Variants in ZRANB3 observed in about 807,000 individuals in gnomAD.
The protein encoded by ZRANB3 is zinc finger RANBP2-type containing 3.
Under a neutral mutation model 133.8 loss-of-function variants are expected in ZRANB3, and 125 were observed. The ratio of observed to expected loss-of-function variants is 0.93; its 90% CI spans 0.81 to 1.08. ZRANB3 has a LOEUF of 1.08. Among genes scored for constraint, ZRANB3 ranks in the 50% least tolerant of loss-of-function variants. The pLI is 0.00. For missense variants in ZRANB3, 1,229 were observed against 1,275.5 expected (o/e 0.96, Z 0.56); for synonymous variants, 387 against 432.7 (o/e 0.89, Z 1.31).
At chr2:135,516,301 C>T (rs548826368) in intron 1 of ZRANB3, among the ~76,000 whole-genome samples, 1 of 152,096 alleles carries the variant, frequency 6.6e-6, no homozygotes, top group Admixed American at 6.5e-5. Context: ...GAATCTGATC[C>T]TGTCATTATG....
At chr2:135,364,538 A>G (rs1685838049) in intron 3 of ZRANB3, among the ~76,000 whole-genome samples, 1 of 152,120 alleles carries the variant, frequency 6.6e-6, no homozygotes, top group Non-Finnish European at 1.5e-5. Context: ...ACTTGAGGTC[A>G]AGAGTTTAAG....
intron 2 of ZRANB3, among the ~76,000 whole-genome samples, chr2:135,482,935 A>G (rs1446642655): frequency 1.3e-5 from 2 of 151,800 alleles, no homozygotes; most frequent in South Asian, 2.1e-4. Context: ...ATTTGCATAT[A>G]TTGAACCAGC....
chr2:135,246,558 T>C (rs1464874551), intron 12 of ZRANB3, among the ~76,000 whole-genome samples: 1 of 152,224 alleles, frequency 6.6e-6, no homozygotes, highest in Non-Finnish European at 1.5e-5. Context: ...AATGACTCCC[T>C]GCTCCTTAAA....
At chr2:135,500,531 A>C (rs1692888142) in intron 2 of ZRANB3, among the ~76,000 whole-genome samples, 1 of 152,150 alleles carries the variant, frequency 6.6e-6, no homozygotes. Flanking sequence ...ATACAATTAC[A>C]ATAATATAGT....
chr2:135,345,628 A>G lies in ZRANB3; in HGVS notation c.599T>C (p.Met200Thr), dbSNP rs758417108. 6.2e-7 allele frequency: 1 copy of G among 1,603,808 alleles called. No homozygotes were observed. Among genetic ancestry groups the G allele is most frequent in the South Asian group, 1.1e-5 (1 of 89,818 alleles). The change falls in exon 6 of 21, where the codon ATG becomes ACG. Residue 200 changes from methionine to threonine, a missense_variant. Physicochemically the swap from Met to Thr is moderately conservative, Grantham distance 81. Transcript: ENST00000264159. ...PALGRPEELF[M>T]QIEALFPQKF... Reference sequence around the variant, plus strand: ...TTGTGGAAAGAGAGCTTCAATCTGCATAAAAAGCTATAATAATACAAGTGT... The same window carrying G: ...TTGTGGAAAGAGAGCTTCAATCTGCGTAAAAAGCTATAATAATACAAGTGT...
At chr2:135,328,359 A>G (rs1683948189) in intron 6 of ZRANB3, among the ~76,000 whole-genome samples, 1 of 151,936 alleles carries the variant, frequency 6.6e-6, no homozygotes. Context: ...GATGGTTTCC[A>G]GTTTCATCCA....
At chr2:135,382,696 A>G (rs986972128) in intron 3 of ZRANB3, among the ~76,000 whole-genome samples, 2 of 150,512 alleles carry the variant, frequency 1.3e-5, no homozygotes, top group African/African-American at 2.5e-5. Context: ...CAACATTCCT[A>G]AAGAAAAGAA....
intron 8 of ZRANB3, among the ~76,000 whole-genome samples, chr2:135,307,114 T>A (rs558444535): frequency 4.6e-5 from 7 of 152,362 alleles, no homozygotes; most frequent in Non-Finnish European, 1.5e-5. Context: ...TTGTCCAGGC[T>A]GGAGTGCAGT....
chr2:135,329,963 G>C (rs1008036281), intron 6 of ZRANB3, among the ~76,000 whole-genome samples: 5 of 152,106 alleles, frequency 3.3e-5, no homozygotes, highest in Non-Finnish European at 7.4e-5. Flanking sequence ...GGCTGAGACA[G>C]TGGGGTTTTC....
At position 135,354,129 on chromosome 2, in the gene ZRANB3, A is replaced by C. The variant is rs898207375; in HGVS notation, c.181-501T>G. Reference sequence around the variant, plus strand: ...AAATCATATTATGTTCAAACTATTCATGATTGAACTTAAAGAGACAAAATT... The same window carrying C: ...AAATCATATTATGTTCAAACTATTCCTGATTGAACTTAAAGAGACAAAATT... On this transcript the variant is annotated intron_variant, in intron 3 of 20. Coordinates refer to ENST00000264159, the MANE Select transcript of ZRANB3 (RefSeq NM_032143.4). Among the ~76,000 whole-genome samples the C allele has an allele frequency of 3.7e-4, 57 of 152,228 alleles. 3 individuals are homozygous for C.
At chr2:135,393,481 T>C (rs1298251992) in intron 2 of ZRANB3, among the ~76,000 whole-genome samples, 2 of 151,628 alleles carry the variant, frequency 1.3e-5, no homozygotes, top group Non-Finnish European at 1.5e-5. Context: ...ACTGAAGGAA[T>C]AGAAAGACTT....
chr2:135,264,521 T>C (rs1042736250), intron 12 of ZRANB3, among the ~76,000 whole-genome samples: 1 of 146,574 alleles, frequency 6.8e-6, no homozygotes, highest in Non-Finnish European at 1.5e-5. Context: ...ATTTCAAAGG[T>C]GATTCATGCA....
chr2:135,266,863 C>A (rs1254977420), intron 11 of ZRANB3, among the ~76,000 whole-genome samples: 1 of 152,166 alleles, frequency 6.6e-6, no homozygotes, highest in Non-Finnish European at 1.5e-5. Context: ...GAACCTTGGT[C>A]TCCACAACTC....
intron 12 of ZRANB3, among the ~76,000 whole-genome samples, chr2:135,263,396 G>A (rs1190993136): frequency 6.6e-6 from 1 of 152,100 alleles, no homozygotes; most frequent in African/African-American, 2.4e-5. Context: ...AAAAAATGAC[G>A]CAGTAAAGAT....
intron 6 of ZRANB3, among the ~76,000 whole-genome samples, chr2:135,328,690 AC>A (rs1683972391): frequency 6.6e-6 from 1 of 152,068 alleles, no homozygotes; most frequent in African/African-American, 2.4e-5. Flanking sequence ...CACTGTAAAA[AC>A]ATTCCTATTT....
In ZRANB3 at chr2:135,304,189, G is replaced by A. The variant is rs937742241; in HGVS notation, c.966+9300C>T. ...TCTTGTCTTGTTCCTGATCTTAGAG[G>A]AAGAGCATCAGTCTTTCTGCATTAA... On this transcript the variant is annotated intron_variant, in intron 8 of 20. Coordinates refer to ENST00000264159, the MANE Select transcript of ZRANB3 (RefSeq NM_032143.4). 3.3e-5 allele frequency among the ~76,000 whole-genome samples: 5 copies of A among 152,150 alleles called. No individual in the cohort carries two copies. In the South Asian group the frequency reaches 1.0e-3, roughly 32 times the overall value.
chr2:135,445,147 T>C (rs1234434586), intron 2 of ZRANB3, among the ~76,000 whole-genome samples: 2 of 152,016 alleles, frequency 1.3e-5, no homozygotes, highest in Non-Finnish European at 2.9e-5. Flanking sequence ...TGCTTTGTTT[T>C]TAAAGGGAAA....
intron 3 of ZRANB3, among the ~76,000 whole-genome samples, chr2:135,387,179 A>G (rs1687022647): frequency 6.6e-6 from 1 of 152,150 alleles, no homozygotes; most frequent in Non-Finnish European, 1.5e-5. Flanking sequence ...GTTCAATAAC[A>G]CAGATGTAAA....
At chr2:135,246,041 T>TTC (rs1222882173) in intron 12 of ZRANB3, among the ~76,000 whole-genome samples, 3 of 131,852 alleles carry the variant, frequency 2.3e-5, no homozygotes, top group Admixed American at 8.5e-5. Flanking sequence ...CTTTCTTTCT[T>TTC]TTTTTTTTTT....
Sources: gnomAD v4.1 joint callset for allele counts (sites outside exome capture counted in the v4.1 genomes callset) on GRCh38, gnomAD v4.1.1 for gene constraint, MANE v1.5 for transcripts, NCBI Gene and HGNC (gene_info 2026-07-23, HGNC 2026-07-21) for gene names.